PALM2AKAP2: variants seen among roughly 807,000 people sequenced by gnomAD.
The protein encoded by PALM2AKAP2 is PALM2 and AKAP2 fusion, also known as PALM2-AKAP2 fusion protein.
In PALM2AKAP2, 37 loss-of-function variants were observed where a neutral mutation model predicts 71.5. That is an observed-to-expected ratio of 0.52 (90% CI 0.40 to 0.68). The LOEUF (loss-of-function observed/expected upper bound fraction) is 0.68. Among genes scored for constraint, PALM2AKAP2 ranks in the 30% least tolerant of loss-of-function variants. The pLI is 0.00. For synonymous variants in PALM2AKAP2, 468 were observed against 478.8 expected, an observed-to-expected ratio of 0.98 and a Z score of 0.29; for missense variants, 1,224 against 1,191.8, an observed-to-expected ratio of 1.03 and a Z score of -0.40.
At chr9:109,809,051 G>T (rs951574093) in intron 1 of PALM2AKAP2, among the ~76,000 whole-genome samples, 1 of 152,262 alleles carries the variant, frequency 6.6e-6, no homozygotes, top group Admixed American at 6.5e-5. Context: ...GTGTGCTGCA[G>T]GGGTGGGGCC....
intron 6 of PALM2AKAP2, among the ~76,000 whole-genome samples, chr9:109,995,324 C>A (rs7864442): frequency 0.14 from 21,728 of 152,194 alleles, 2,317 homozygotes; most frequent in African/African-American, 0.29. Context: ...AACCACCTCC[C>A]AGACTGCCTG....
intron 1 of PALM2AKAP2, among the ~76,000 whole-genome samples, chr9:110,113,841 A>G (rs1835304041): frequency 6.6e-6 from 1 of 152,156 alleles, no homozygotes; most frequent in Non-Finnish European, 1.5e-5. Flanking sequence ...CCCTGTCTAC[A>G]AGTTTTAAAA....
intron 1 of PALM2AKAP2, among the ~76,000 whole-genome samples, chr9:110,052,205 C>A (rs1833724987): frequency 1.3e-5 from 2 of 152,154 alleles, no homozygotes; most frequent in African/African-American, 2.4e-5. Context: ...CCCGGCCCAC[C>A]ATTTTCTTTA....
intron 1 of PALM2AKAP2, among the ~76,000 whole-genome samples, chr9:109,839,903 T>C (rs905615551): frequency 6.6e-6 from 1 of 152,128 alleles, no homozygotes; most frequent in Admixed American, 6.5e-5. Flanking sequence ...TGCTCATGGA[T>C]AGGAAAAATC....
intron 6 of PALM2AKAP2, among the ~76,000 whole-genome samples, chr9:109,954,961 C>T (rs1831719709): frequency 6.6e-6 from 1 of 152,134 alleles, no homozygotes; most frequent in Non-Finnish European, 1.5e-5. Flanking sequence ...TTAGAGGAGC[C>T]ATATTCCGTT....
intron 1 of PALM2AKAP2, among the ~76,000 whole-genome samples, chr9:109,792,691 T>C (rs754079887): frequency 2.6e-5 from 4 of 152,060 alleles, no homozygotes; most frequent in Non-Finnish European, 5.9e-5. Flanking sequence ...GGTGGGGAAC[T>C]GTTTCATAAT....
At chr9:109,730,518 T>G (rs1828540305) in intron 1 of PALM2AKAP2, among the ~76,000 whole-genome samples, 1 of 152,212 alleles carries the variant, frequency 6.6e-6, no homozygotes, top group Admixed American at 6.5e-5. Flanking sequence ...GGAACATACA[T>G]TAACCGTCTG....
At chr9:109,676,130 A>G (rs2118503736) in intron 1 of PALM2AKAP2, among the ~76,000 whole-genome samples, 1 of 152,310 alleles carries the variant, frequency 6.6e-6, no homozygotes, top group African/African-American at 2.4e-5. Context: ...TGCTTCAGGA[A>G]AAGAGAACAG....
intron 1 of PALM2AKAP2, among the ~76,000 whole-genome samples, chr9:109,824,595 T>C (rs1309758221): frequency 1.3e-5 from 2 of 152,236 alleles, no homozygotes; most frequent in Admixed American, 6.5e-5. Context: ...GGGGCTGTAA[T>C]ATTCCCTACA....
chr9:109,776,087 A>G (rs1013154045), upstream of PALM2AKAP2, among the ~76,000 whole-genome samples: 3 of 152,238 alleles, frequency 2.0e-5, no homozygotes, highest in Non-Finnish European at 4.4e-5. Context: ...ATAGTCACCA[A>G]TATCATTGTG....
chr9:109,660,955 T>C (rs1330681700), intron 1 of PALM2AKAP2, among the ~76,000 whole-genome samples: 7 of 152,200 alleles, frequency 4.6e-5, no homozygotes, highest in African/African-American at 1.7e-4. Flanking sequence ...GTTGGCTGCA[T>C]AGATGTCTTC....
intron 1 of PALM2AKAP2, among the ~76,000 whole-genome samples, chr9:109,732,391 T>C (rs1403136472): frequency 1.3e-5 from 2 of 152,330 alleles, no homozygotes; most frequent in East Asian, 3.9e-4. Context: ...CATGACAAGG[T>C]TCCTGTGATG....
intron 3 of PALM2AKAP2, among the ~76,000 whole-genome samples, chr9:110,161,117 C>CAGCTGGAGAA: frequency 6.6e-6 from 1 of 152,272 alleles, no homozygotes; most frequent in Non-Finnish European, 1.5e-5. Context: ...CGTTCTCACT[C>CAGCTGGAGAA]GTACCCTAGT....
chr9:109,753,536 GA>G (rs1344250308), intron 1 of PALM2AKAP2, among the ~76,000 whole-genome samples: 2 of 152,290 alleles, frequency 1.3e-5, no homozygotes, highest in East Asian at 3.9e-4. Context: ...ACTTTCTCAA[GA>G]TGTTTGCAGT....
In PALM2AKAP2 at chr9:110,026,089, C is replaced by A. The variant is rs181601223; in HGVS notation, c.582+10050C>A. On this transcript the variant is annotated intron_variant, in intron 7 of 9. Coordinates refer to the PALM2AKAP2 transcript ENST00000302798. ...CTTTCTCTCACTCTTTTATTTATTT[C>A]TTTCTTTCTTTTAGACAGGGTCTCG... 5.5e-4 allele frequency among the ~76,000 whole-genome samples: 84 copies of A among 151,958 alleles called. No homozygotes were observed. The South Asian group carries it at 7.3e-3, about 13-fold the overall frequency.
intron 3 of PALM2AKAP2, among the ~76,000 whole-genome samples, chr9:110,156,925 T>C (rs1351287379): frequency 6.6e-6 from 1 of 152,194 alleles, no homozygotes; most frequent in Non-Finnish European, 1.5e-5. Flanking sequence ...AAGCCGACAC[T>C]CTAGGCAATC....
intron 1 of PALM2AKAP2, among the ~76,000 whole-genome samples, chr9:110,067,557 G>A (rs570178836): frequency 1.1e-4 from 17 of 152,284 alleles, no homozygotes; most frequent in African/African-American, 3.9e-4. Flanking sequence ...AAAATACATT[G>A]TGCACAGTCC....
At chr9:110,000,325 A>G (rs1408126000) in intron 6 of PALM2AKAP2, among the ~76,000 whole-genome samples, 6 of 152,070 alleles carry the variant, frequency 3.9e-5, no homozygotes, top group Admixed American at 6.6e-5. Flanking sequence ...ATCCATGTCC[A>G]TAAAAAGGAC....
Position 109,890,998 on chromosome 9 carries a change from G to A in PALM2AKAP2, c.257+10317G>A, listed in dbSNP as rs58044282. On this transcript the variant is annotated intron_variant, in intron 3 of 9. Transcript: ENST00000302798. ...AAATAATATCTGAATACCGCCCAGTGCACAGAGAGTACCTGTGAAATTACA... is the reference window on the plus strand; with the variant it reads ...AAATAATATCTGAATACCGCCCAGTACACAGAGAGTACCTGTGAAATTACA... Among the ~76,000 whole-genome samples, 607 of 152,324 alleles carry A rather than the reference G, an allele frequency of 4.0e-3. 4 individuals are homozygous for A. The highest frequency in any genetic ancestry group is 0.012 in the African/African-American group (491 of 41,562).
Sources: gnomAD v4.1 joint callset for allele counts (sites outside exome capture counted in the v4.1 genomes callset) on GRCh38, gnomAD v4.1.1 for gene constraint, MANE v1.5 for transcripts, NCBI Gene and HGNC (gene_info 2026-07-23, HGNC 2026-07-21) for gene names.